The following ASPH variants were observed in gnomAD, a reference collection of about 807,000 sequenced individuals.
ASPH encodes aspartyl/asparaginyl beta-hydroxylase.
A neutral mutation model predicts 118.4 loss-of-function variants in ASPH; 100 were observed. The ratio of observed to expected loss-of-function variants is 0.84; its 90% CI spans 0.72 to 1.00. The LOEUF (loss-of-function observed/expected upper bound fraction) is 1.00. ASPH is among the 50% of genes least tolerant of loss of function. The pLI, the probability that ASPH is intolerant of heterozygous loss-of-function variation, is 0.00. For synonymous variants in ASPH, 315 were observed against 325.6 expected (o/e 0.97, Z 0.35); for missense variants, 920 against 919.5 (o/e 1.00, Z -0.01).
At chr8:61,601,127 A>G (rs924080052) in intron 14 of ASPH, among the ~76,000 whole-genome samples, 2 of 151,368 alleles carry the variant, frequency 1.3e-5, no homozygotes, top group African/African-American at 4.9e-5. Flanking sequence ...AAGAGAATAG[A>G]AAAATCCACA....
chr8:61,636,408 G>A (rs922875624), intron 12 of ASPH, among the ~76,000 whole-genome samples: 7 of 152,204 alleles, frequency 4.6e-5, no homozygotes, highest in Non-Finnish European at 1.0e-4. Context: ...CGAGTTCCAT[G>A]TTTCTGGTCT....
At chr8:61,616,416 C>T (rs563112304) in intron 14 of ASPH, among the ~76,000 whole-genome samples, 2 of 152,334 alleles carry the variant, frequency 1.3e-5, no homozygotes, top group East Asian at 3.9e-4. Flanking sequence ...TTCTGTTTAT[C>T]TGCAACAAGC....
intron 24 of ASPH, among the ~76,000 whole-genome samples, chr8:61,504,615 G>A (rs1317310616): frequency 6.6e-6 from 1 of 152,062 alleles, no homozygotes; most frequent in East Asian, 1.9e-4. Flanking sequence ...TCTGTTGTAG[G>A]GGCTGTTCCA....
intron 24 of ASPH, among the ~76,000 whole-genome samples, chr8:61,515,337 T>C (rs1307390524): frequency 1.3e-5 from 2 of 152,142 alleles, no homozygotes; most frequent in Admixed American, 1.3e-4. Context: ...CAAACCGAGT[T>C]CCCAGTGTAA....
intron 17 of ASPH, 26 bp downstream of exon 17, chr8:61,567,142 C>T (rs370221813): frequency 3.0e-4 from 479 of 1,608,886 alleles, no homozygotes; most frequent in Non-Finnish European, 3.7e-4. Context: ...CCATTTCCTA[C>T]TGAATTACCT....
intron 3 of ASPH, chr8:61,676,428 GT>G: frequency 1.0e-6 from 1 of 1,002,176 alleles, no homozygotes; most frequent in Non-Finnish European, 1.4e-6. Flanking sequence ...GGTCAGAGAG[GT>G]TTACAGAAAC....
At chr8:61,521,489 C>T (rs993948501) in intron 22 of ASPH, among the ~76,000 whole-genome samples, 1 of 152,204 alleles carries the variant, frequency 6.6e-6, no homozygotes, top group Non-Finnish European at 1.5e-5. Flanking sequence ...ACACAGCTAA[C>T]AAGCGGTGCA....
chr8:61,704,479 C>A (rs1437940650), intron 1 of ASPH, among the ~76,000 whole-genome samples: 7 of 151,562 alleles, frequency 4.6e-5, no homozygotes, highest in Non-Finnish European at 1.0e-4. Flanking sequence ...TGAGAATGTG[C>A]AGTTTCTTAG....
intron 20 of ASPH, among the ~76,000 whole-genome samples, chr8:61,550,883 A>G (rs7013514): frequency 0.97 from 147,510 of 152,214 alleles, 71,497 homozygotes; most frequent in East Asian, 1. Context: ...ACATGAGAAA[A>G]CCAGATCTCC....
At chr8:61,591,034 G>A (rs1587769519) in intron 14 of ASPH, among the ~76,000 whole-genome samples, 1 of 152,116 alleles carries the variant, frequency 6.6e-6, no homozygotes, top group South Asian at 2.1e-4. Context: ...TATATACACA[G>A]TGCTCGCTCA....
At chr8:61,620,709 C>A (rs1299456103) in intron 13 of ASPH, among the ~76,000 whole-genome samples, 1 of 152,210 alleles carries the variant, frequency 6.6e-6, no homozygotes, top group East Asian at 1.9e-4. Context: ...TGAAGGAGCT[C>A]TTCCTAGTGG....
chr8:61,710,596 A>T (rs1837832915), intron 1 of ASPH, among the ~76,000 whole-genome samples: 1 of 152,232 alleles, frequency 6.6e-6, no homozygotes, highest in Non-Finnish European at 1.5e-5. Flanking sequence ...GCTTGGTTTC[A>T]TATGATTTGG....
Position 61,684,062 on chromosome 8 carries a change from A to G in ASPH, c.230T>C (p.Leu77Pro), listed in dbSNP as rs138023523. The G allele has an allele frequency of 6.5e-5, 105 of 1,613,534 alleles. No individual in the cohort carries two copies. The highest frequency in any genetic ancestry group is 8.7e-5 in the Non-Finnish European group (103 of 1,179,690). The stretch of plus-strand genomic sequence containing the variant: ...ACCTAGAACTTCCTCATAGTCAACA[A>G]GATCAAACCAAACGACAGCTACAGA... The part of the protein sequence containing the change: ...WTSVAVVWFD[L>P]VDYEEVLGKL... The change falls in exon 2 of 25, where the codon CTT becomes CCT. Residue 77 changes from leucine (L) to proline (P), a missense_variant. Leu to Pro is a moderately conservative substitution (Grantham distance 98, BLOSUM62 -3). Transcript: ENST00000379454.
At chr8:61,702,013 G>A (rs1295241425) in intron 1 of ASPH, among the ~76,000 whole-genome samples, 1 of 152,076 alleles carries the variant, frequency 6.6e-6, no homozygotes, top group African/African-American at 2.4e-5. Context: ...CTGTTTACAA[G>A]AAGCACTAAA....
chr8:61,539,700 GTGTGTGTGTGT>G (rs1821089378), intron 21 of ASPH, among the ~76,000 whole-genome samples: 1 of 40,300 alleles, frequency 2.5e-5, no homozygotes, highest in African/African-American at 7.5e-5. Flanking sequence ...CACTTCTGGG[GTGTGTGTGTGT>G]GTGTGTGTGT....
intron 3 of ASPH, chr8:61,664,609 G>A (rs989283384): frequency 2.0e-6 from 2 of 986,626 alleles, no homozygotes; most frequent in South Asian, 4.7e-5. Context: ...GCAGCGGTGA[G>A]GTGAGGAGTG....
chr8:61,710,850 T>G (rs1837903232), intron 1 of ASPH, among the ~76,000 whole-genome samples: 1 of 152,102 alleles, frequency 6.6e-6, no homozygotes, highest in South Asian at 2.1e-4. Flanking sequence ...ACACTCAAAG[T>G]AGAAAGAAAA....
intron 21 of ASPH, among the ~76,000 whole-genome samples, chr8:61,534,240 C>A (rs979156515): frequency 4.6e-5 from 7 of 152,202 alleles, no homozygotes; most frequent in Admixed American, 3.3e-4. Context: ...AGCCACCATG[C>A]CCAGCCCACT....
Position 61,643,934 on chromosome 8 carries a change from C to T in ASPH, c.709+11G>A. The T allele has an allele frequency of 6.2e-7, 1 of 1,606,856 alleles. No homozygotes were observed. Among genetic ancestry groups the T allele is most frequent in the Non-Finnish European group, 8.5e-7 (1 of 1,174,134 alleles). ...AGAAAACACATATCAATAATTTTAA[C>T]ATTTACAAACCTGGATTTTCCTGCT... is the stretch of plus-strand genomic sequence containing the variant. On this transcript the variant is annotated intron_variant, in intron 8 of 24. Transcript: ENST00000379454.
Sources: gnomAD v4.1 joint callset for allele counts (sites outside exome capture counted in the v4.1 genomes callset) on GRCh38, gnomAD v4.1.1 for gene constraint, MANE v1.5 for transcripts, NCBI Gene and HGNC (gene_info 2026-07-23, HGNC 2026-07-21) for gene names.